The following PDE7B variants were observed in gnomAD, a reference collection of about 807,000 sequenced individuals.
PDE7B encodes phosphodiesterase 7B.
Under a neutral mutation model 56.2 loss-of-function variants are expected in PDE7B, and 29 were observed. The observed-to-expected ratio is 0.52, with a 90% CI of 0.38 to 0.70. The LOEUF is 0.70. Among genes scored for constraint, PDE7B ranks in the 30% least tolerant of loss-of-function variants. PDE7B has a pLI of 0.00. For synonymous variants in PDE7B, 197 were observed against 196.9 expected (o/e 1.00, Z 0.00); for missense variants, 490 against 565.0 (o/e 0.87, Z 1.35).
At chr6:135,951,104 A>T (rs1774691152) in intron 2 of PDE7B, among the ~76,000 whole-genome samples, 1 of 152,198 alleles carries the variant, frequency 6.6e-6, no homozygotes. Flanking sequence ...AGAGAGAGCA[A>T]ATGTGGATGA....
chr6:136,026,207 A>C (rs1185732334), intron 2 of PDE7B, among the ~76,000 whole-genome samples: 1 of 152,222 alleles, frequency 6.6e-6, no homozygotes, highest in Non-Finnish European at 1.5e-5. Context: ...GATTTGAAGA[A>C]ACCACCCCAT....
At chr6:136,165,043 A>T (rs1214185355) in intron 8 of PDE7B, among the ~76,000 whole-genome samples, 3 of 152,200 alleles carry the variant, frequency 2.0e-5, no homozygotes, top group Non-Finnish European at 2.9e-5. Flanking sequence ...TTAGATATCA[A>T]CTCTGAAAAG....
intron 2 of PDE7B, among the ~76,000 whole-genome samples, chr6:136,002,340 A>G (rs2128206213): frequency 6.6e-6 from 1 of 152,324 alleles, no homozygotes; most frequent in Admixed American, 6.5e-5. Context: ...GATCAAATTC[A>G]CACATAACAA....
At chr6:135,899,491 G>A (rs373978468) in intron 1 of PDE7B, among the ~76,000 whole-genome samples, 9 of 151,110 alleles carry the variant, frequency 6.0e-5, no homozygotes, top group Admixed American at 3.3e-4. Flanking sequence ...TTAAAAACTG[G>A]CATTAAATAA....
At chr6:135,921,821 C>A (rs1292481913) in intron 1 of PDE7B, among the ~76,000 whole-genome samples, 1 of 151,982 alleles carries the variant, frequency 6.6e-6, no homozygotes, top group East Asian at 1.9e-4. Flanking sequence ...TCTCTTTCTA[C>A]CCTGTTCTCC....
chr6:135,892,852 T>G (rs1011934143), intron 1 of PDE7B, among the ~76,000 whole-genome samples: 1 of 152,188 alleles, frequency 6.6e-6, no homozygotes. Context: ...GTATTTGCAA[T>G]GGACCAAGCT....
At chr6:136,013,436 G>A (rs1419336445) in intron 2 of PDE7B, among the ~76,000 whole-genome samples, 2 of 152,194 alleles carry the variant, frequency 1.3e-5, no homozygotes, top group African/African-American at 4.8e-5. Flanking sequence ...GATCCAAAGT[G>A]TCACACTAAA....
At chr6:136,067,706 A>T (rs1776969428) in intron 2 of PDE7B, among the ~76,000 whole-genome samples, 1 of 152,232 alleles carries the variant, frequency 6.6e-6, no homozygotes, top group Admixed American at 6.5e-5. Context: ...GTGGCTTCAC[A>T]TCTAAGCAAG....
rs567977431 is a variant in PDE7B, at chr6:135,870,100, C to T, written c.21+18081C>T. Among the ~76,000 whole-genome samples, 691 of 152,160 alleles carry T rather than the reference C, an allele frequency of 4.5e-3. 12 individuals are homozygous for T. The highest frequency in any genetic ancestry group is 0.02 in the South Asian group (95 of 4,802). ...ATGGGTTGTCAGCCTAGGCTAGGGA[C>T]GACATCATAAGCAGCTGGTGGGTGT... On this transcript the variant is annotated intron_variant, in intron 1 of 12. Coordinates refer to ENST00000308191, the MANE Select transcript of PDE7B (RefSeq NM_018945.4).
intron 3 of PDE7B, among the ~76,000 whole-genome samples, chr6:136,138,684 C>A (rs1301903054): frequency 2.6e-5 from 4 of 151,924 alleles, no homozygotes; most frequent in Non-Finnish European, 5.9e-5. Context: ...AAAGGATAAC[C>A]CAGATAGAAG....
intron 1 of PDE7B, among the ~76,000 whole-genome samples, chr6:135,906,621 A>G (rs1251918417): frequency 6.6e-6 from 1 of 152,092 alleles, no homozygotes; most frequent in Non-Finnish European, 1.5e-5. Flanking sequence ...TTTTTGTTGG[A>G]TTTTATTCTT....
chr6:136,074,978 AT>A (rs928211602), intron 2 of PDE7B, among the ~76,000 whole-genome samples: 1 of 152,204 alleles, frequency 6.6e-6, no homozygotes, highest in Non-Finnish European at 1.5e-5. Context: ...GGTACAAAAA[AT>A]AATTTAAGGG....
At chr6:135,991,425 TTAAAA>T (rs1258251978) in intron 2 of PDE7B, among the ~76,000 whole-genome samples, 4 of 152,202 alleles carry the variant, frequency 2.6e-5, no homozygotes, top group Admixed American at 6.5e-5. Flanking sequence ...TTTTTGTCAA[TTAAAA>T]TAAAATTTTT....
Position 136,002,463 on chromosome 6 carries a change from G to A in PDE7B, c.82+54939G>A, listed in dbSNP as rs537140887. Among the ~76,000 whole-genome samples, 57 of 152,198 alleles carry A rather than the reference G, an allele frequency of 3.7e-4. 1 individual carries two copies. In the Middle Eastern group the frequency reaches 0.01, roughly 27 times the overall value. On this transcript the variant is annotated intron_variant, in intron 2 of 12. Coordinates refer to ENST00000308191, the MANE Select transcript of PDE7B (RefSeq NM_018945.4). The stretch of plus-strand genomic sequence containing the variant: ...GCTGTATTCAGGAAACCCATCTCAC[G>A]TGCAGAGACACACATAGGATCAAAA...
chr6:136,127,491 A>C (rs1225461455), intron 3 of PDE7B, among the ~76,000 whole-genome samples: 1 of 152,188 alleles, frequency 6.6e-6, no homozygotes, highest in Non-Finnish European at 1.5e-5. Context: ...ATGGCTTCTA[A>C]GGCTATTATC....
intron 2 of PDE7B, among the ~76,000 whole-genome samples, chr6:136,055,315 G>A (rs1304894201): frequency 3.3e-5 from 5 of 152,226 alleles, no homozygotes; most frequent in Admixed American, 1.3e-4. Context: ...TGTAAAACAT[G>A]TGGATTTGCC....
chr6:136,058,433 C>T (rs117822530), intron 2 of PDE7B, among the ~76,000 whole-genome samples: 1,921 of 152,230 alleles, frequency 0.013, 19 homozygotes, highest in Non-Finnish European at 0.021. Context: ...AACTATGTCC[C>T]CATCCCACCT....
intron 2 of PDE7B, among the ~76,000 whole-genome samples, chr6:135,976,461 C>T (rs972819150): frequency 1.1e-4 from 16 of 152,142 alleles, no homozygotes; most frequent in African/African-American, 2.9e-4. Flanking sequence ...AGTGATAATA[C>T]ACCTGTTTAC....
rs142702010 is a variant in PDE7B at position 135,986,053 on chromosome 6, T to A, written c.82+38529T>A. On this transcript the variant is annotated intron_variant, in intron 2 of 12. Transcript: ENST00000308191. ...GCCTGTGTTTTATAGAAGGCACTCATATTGCTCACTAGAGACCCTGGAATC... is the reference window on the plus strand; with the variant it reads ...GCCTGTGTTTTATAGAAGGCACTCAAATTGCTCACTAGAGACCCTGGAATC... Among the ~76,000 whole-genome samples the A allele has an allele frequency of 1.6e-3, 243 of 152,286 alleles. 1 individual carries two copies. In the East Asian group the frequency reaches 0.028, roughly 17 times the overall value.
Sources: gnomAD v4.1 joint callset for allele counts (sites outside exome capture counted in the v4.1 genomes callset) on GRCh38, gnomAD v4.1.1 for gene constraint, MANE v1.5 for transcripts, NCBI Gene and HGNC (gene_info 2026-07-23, HGNC 2026-07-21) for gene names.